FOXD4L1: variants seen among roughly 807,000 people sequenced by gnomAD.
FOXD4L1 encodes the protein forkhead box protein D4-like 1.
In FOXD4L1, 10 loss-of-function variants were observed where a neutral mutation model predicts 24.8. That is an observed-to-expected ratio of 0.40 (90% CI 0.25 to 0.68). FOXD4L1 has a LOEUF of 0.68. FOXD4L1 is among the 30% of genes least tolerant of loss of function. The pLI, the probability that FOXD4L1 is intolerant of heterozygous loss-of-function variation, is 0.37. For synonymous variants in FOXD4L1, 159 were observed against 256.4 expected, an observed-to-expected ratio of 0.62 and a Z score of 3.63; for missense variants, 364 against 572.4, an observed-to-expected ratio of 0.64 and a Z score of 3.72.
At position 113,499,386 on chromosome 2, in the gene FOXD4L1, G is replaced by T; in HGVS notation, c.130G>T (p.Glu44Ter). The T allele has an allele frequency of 6.8e-6, 11 of 1,610,094 alleles. No individual in the cohort carries two copies. The highest frequency in any genetic ancestry group is 8.5e-6 in the Non-Finnish European group (10 of 1,179,352). ...TGAAGACGAGGTGGAAGACGAGGAGGAGGAGGCGAGCCAGAAGTTCCTAGA... is the reference window on the plus strand; with the variant it reads ...TGAAGACGAGGTGGAAGACGAGGAGTAGGAGGCGAGCCAGAAGTTCCTAGA... The change falls in exon 1 of 1, where the codon GAG becomes TAG. Residue 44 changes from glutamate (E) to a stop codon, truncating the protein, a stop_gained. Transcript: ENST00000306507. LOFTEE classifies it high-confidence loss of function.
exon 1 of FOXD4L1, chr2:113,500,440 G>T (rs765008006): frequency 1.3e-6 from 2 of 1,518,498 alleles, no homozygotes; most frequent in Non-Finnish European, 1.8e-6. Context: ...CCTGTCGGCC[G>T]CGTCGGCGCT....
exon 1 of FOXD4L1, chr2:113,500,334 A>G: frequency 6.6e-7 from 1 of 1,520,688 alleles, no homozygotes; most frequent in South Asian, 1.2e-5. Flanking sequence ...GCGACCGTCA[A>G]GCCTGTCGGA....
chr2:113,499,044 C>A (rs1682384166), exon 1 of FOXD4L1: 13 of 750,490 alleles, frequency 1.7e-5, no homozygotes, highest in Non-Finnish European at 2.8e-5. Flanking sequence ...GGGAGTCCAC[C>A]ACACATGGTC....
At chr2:113,499,180 C>A in exon 1 of FOXD4L1, 1 of 1,611,192 alleles carries the variant, frequency 6.2e-7, no homozygotes. Flanking sequence ...AACATTCATC[C>A]CAGGCTTCCA....
chr2:113,500,210 A>G, exon 1 of FOXD4L1: 1 of 1,556,242 alleles, frequency 6.4e-7, no homozygotes, highest in East Asian at 2.8e-5. Context: ...CGCCACCGGG[A>G]GGCGGATGCA....
rs952070692 is a variant in FOXD4L1 at position 113,500,684 on chromosome 2, G to A, written c.*201G>A. 15 of 1,319,246 alleles carry A rather than the reference G, an allele frequency of 1.1e-5. 3 individuals are homozygous for A. Among genetic ancestry groups the A allele is most frequent in the Non-Finnish European group, 1.4e-5 (14 of 984,924 alleles). The allele number at this position is 1,319,246 out of a possible 1,614,324, so 81.7% of individuals were successfully genotyped here. On this transcript the variant is annotated 3_prime_UTR_variant, in exon 1 of 1. Transcript: ENST00000306507. ...CTGAATCCTGCTGGAGAGCAAACAC[G>A]AACTTCTGTTCCCTGCAAAATGGTT...
In FOXD4L1 at chr2:113,499,581, C is replaced by T. The variant is rs756973861; in HGVS notation, c.325C>T (p.Pro109Ser). ...AGATGCCCGGCAGCCGGCAAAGCCC[C>T]CCTACTCGTACATCGCGCTCATCAC... Residue 109 changes from proline (P) to serine (S), a missense_variant, in exon 1 of 1, where the codon CCC (proline) becomes TCC (serine). Physicochemically the swap from Pro to Ser is moderately conservative, Grantham distance 74. Coordinates refer to ENST00000306507, the Ensembl canonical transcript of FOXD4L1. The T allele has an allele frequency of 5.6e-6, 9 of 1,610,304 alleles. 1 individual carries two copies. Among genetic ancestry groups the T allele is most frequent in the Non-Finnish European group, 7.6e-6 (9 of 1,179,044 alleles).
exon 1 of FOXD4L1, chr2:113,499,418 G>A (rs1318739962): frequency 3.1e-6 from 5 of 1,605,838 alleles, no homozygotes; most frequent in Non-Finnish European, 4.2e-6. Context: ...TAGAGCAGTC[G>A]CTCCAGCCGG....
rs765333368 is a variant in FOXD4L1, at chr2:113,500,005, C to G, written c.749C>G (p.Pro250Arg). The G allele has an allele frequency of 3.2e-6, 5 of 1,585,880 alleles. 1 individual carries two copies. Among genetic ancestry groups the G allele is most frequent in the Non-Finnish European group, 4.3e-6 (5 of 1,175,754 alleles). Residue 250 changes from proline (P) to arginine (R), a missense_variant, in exon 1 of 1, where the codon CCC (proline) becomes CGC (arginine). Pro to Arg is a moderately radical substitution (Grantham distance 103). Coordinates refer to ENST00000306507, the Ensembl canonical transcript of FOXD4L1. ...CCGCAGCCAGTCCCGGGGGCCTACC[C>G]CAACACCGCCCCCGGGAGACGCCCT...
chr2:113,499,513 G>A lies in FOXD4L1; in HGVS notation c.257G>A (p.Gly86Asp), dbSNP rs150424765. ...GGCCCGAGCGACCCCTCAGAGTTTG[G>A]CACCGAGTTCAGGGCACCGCCAAGG... is the stretch of plus-strand genomic sequence containing the variant. Residue 86 changes from glycine to aspartate, a missense_variant, in exon 1 of 1, where the codon GGC (glycine) becomes GAC (aspartate). Physicochemically the swap from Gly to Asp is moderately conservative, Grantham distance 94. Coordinates refer to ENST00000306507, the Ensembl canonical transcript of FOXD4L1. The A allele has an allele frequency of 3.6e-5, 58 of 1,602,726 alleles. No homozygotes were observed. In the African/African-American group the frequency reaches 6.3e-4, roughly 17 times the overall value.
At chr2:113,498,932 G>C (rs1682381943) in exon 1 of FOXD4L1, 2 of 550,338 alleles carry the variant, frequency 3.6e-6, no homozygotes, top group Admixed American at 3.4e-5. Context: ...GAGGGGGCTG[G>C]GCTTTTCTCC....
exon 1 of FOXD4L1, chr2:113,500,626 C>A: frequency 6.9e-7 from 1 of 1,447,032 alleles, no homozygotes; most frequent in Non-Finnish European, 9.2e-7. Flanking sequence ...GCTGCTCACT[C>A]CACCTTGCGC....
chr2:113,499,476 A>T lies in FOXD4L1; in HGVS notation c.220A>T (p.Ile74Phe). Residue 74 changes from isoleucine to phenylalanine, a missense_variant, in exon 1 of 1, where the codon ATC becomes TTC. By Grantham distance (21) the Ile-to-Phe change is conservative (BLOSUM62 0). Coordinates refer to ENST00000306507, the Ensembl canonical transcript of FOXD4L1. The stretch of plus-strand genomic sequence containing the variant: ...CGGGGTTGCGCTTCCCCGAGAGCAC[A>T]TCGAGGGCGGCGGCCCGAGCGACCC... 6 of 1,537,114 alleles carry T rather than the reference A, an allele frequency of 3.9e-6. 1 individual carries two copies. The highest frequency in any genetic ancestry group is 5.3e-6 in the Non-Finnish European group (6 of 1,135,798).
exon 1 of FOXD4L1, chr2:113,499,293 C>T (rs749595863): frequency 6.2e-7 from 1 of 1,603,484 alleles, no homozygotes; most frequent in Non-Finnish European, 8.5e-7. Flanking sequence ...TCGCTCCACA[C>T]CGCAGCGCAG....
exon 1 of FOXD4L1, chr2:113,500,807 G>A (rs2144270): frequency 0.47 from 281,026 of 601,080 alleles, 86,945 homozygotes; most frequent in African/African-American, 0.69. Flanking sequence ...TGTGGCTTCT[G>A]TGGCTTTCCG....
chr2:113,499,717 G>T (rs771123316), exon 1 of FOXD4L1: 3 of 1,607,466 alleles, frequency 1.9e-6, no homozygotes, highest in Non-Finnish European at 2.5e-6. Context: ...TGGCAGAACA[G>T]CATCCGCCAC....
chr2:113,500,559 C>T lies in FOXD4L1; in HGVS notation c.*76C>T, dbSNP rs1682425624. The T allele has an allele frequency of 1.3e-6, 2 of 1,497,998 alleles. 1 individual carries two copies. The highest frequency in any genetic ancestry group is 2.4e-5 in the South Asian group (2 of 81,660). 92.8% of individuals were successfully genotyped at this position (1,497,998 alleles called of 1,614,324 possible). On this transcript the variant is annotated 3_prime_UTR_variant, in exon 1 of 1. Transcript: ENST00000306507. ...TTTTAGTATCGCCCACGCCCAGTTCCCTGGCCAAGTCCGCAGGGCCCTCCT... is the reference window on the plus strand; with the variant it reads ...TTTTAGTATCGCCCACGCCCAGTTCTCTGGCCAAGTCCGCAGGGCCCTCCT...
At chr2:113,500,191 G>A (rs1161471022) in exon 1 of FOXD4L1, 1 of 1,553,284 alleles carries the variant, frequency 6.4e-7, no homozygotes, top group South Asian at 1.1e-5. Context: ...GAGGGCAAGG[G>A]TCTGGCGTCG....
In FOXD4L1 at chr2:113,500,359, C is replaced by T. The variant is rs145615058; in HGVS notation, c.1103C>T (p.Thr368Ile). The T allele has an allele frequency of 1.8e-5, 27 of 1,519,874 alleles. 5 individuals are homozygous for T. The highest frequency in any genetic ancestry group is 2.4e-5 in the Non-Finnish European group (27 of 1,126,508). The allele number at this position is 1,519,874 out of a possible 1,614,324, so 94.1% of individuals were successfully genotyped here. The change falls in exon 1 of 1, where the codon ACA becomes ATA. Residue 368 changes from threonine to isoleucine, a missense_variant. Coordinates refer to ENST00000306507, the Ensembl canonical transcript of FOXD4L1. The stretch of plus-strand genomic sequence containing the variant: ...AGCCTGTCGGACAATTTTGCAGCAA[C>T]AGCAGCAGCATCAGGAGGAGGACTG...
Sources: gnomAD v4.1 joint callset for allele counts on GRCh38, gnomAD v4.1.1 for gene constraint, MANE v1.5 for transcripts, NCBI Gene and HGNC (gene_info 2026-07-23, HGNC 2026-07-21) for gene names.